MAGI2: variants seen among roughly 807,000 people sequenced by gnomAD.
The protein encoded by MAGI2 is membrane associated guanylate kinase, WW and PDZ domain containing 2.
MAGI2 carries 35 observed loss-of-function variants against 133.3 expected under a neutral mutation model. The observed-to-expected ratio is 0.26, with a 90% CI of 0.20 to 0.35. The LOEUF (loss-of-function observed/expected upper bound fraction) is 0.35. Ranked by LOEUF, MAGI2 falls within the 10% of genes least tolerant of loss-of-function variation. MAGI2 has a pLI of 1.00. For synonymous variants in MAGI2, 729 were observed against 710.6 expected (o/e 1.03, Z -0.41); for missense variants, 1,636 against 1,863.4 (o/e 0.88, Z 2.25).
intron 2 of MAGI2, among the ~76,000 whole-genome samples, chr7:78,751,156 T>C (rs1823420215): frequency 6.6e-6 from 1 of 152,194 alleles, no homozygotes; most frequent in South Asian, 2.1e-4. Flanking sequence ...TACAAAACTT[T>C]GTAAAAAGTT....
intron 9 of MAGI2, among the ~76,000 whole-genome samples, chr7:78,290,040 C>T (rs980623684): frequency 1.3e-5 from 2 of 152,194 alleles, no homozygotes; most frequent in African/African-American, 2.4e-5. Flanking sequence ...GAAGAAACTG[C>T]ATCAACAAAC....
intron 2 of MAGI2, among the ~76,000 whole-genome samples, chr7:78,642,066 G>T (rs1810374507): frequency 1.3e-5 from 2 of 152,128 alleles, no homozygotes; most frequent in African/African-American, 2.4e-5. Flanking sequence ...ATTTCATACA[G>T]GGAAGAAACA....
At chr7:78,308,327 T>G (rs1036767140) in intron 9 of MAGI2, among the ~76,000 whole-genome samples, 3 of 152,154 alleles carry the variant, frequency 2.0e-5, no homozygotes, top group African/African-American at 7.2e-5. Context: ...ACTCAGACAC[T>G]AGGAAGAGAG....
At chr7:78,376,908 G>C (rs1794499193) in intron 6 of MAGI2, among the ~76,000 whole-genome samples, 1 of 152,016 alleles carries the variant, frequency 6.6e-6, no homozygotes, top group Admixed American at 6.6e-5. Context: ...GTAGGTTTTT[G>C]TCTTTATATT....
intron 10 of MAGI2, among the ~76,000 whole-genome samples, chr7:78,204,616 T>A (rs975233911): frequency 2.0e-5 from 3 of 152,204 alleles, no homozygotes; most frequent in African/African-American, 7.2e-5. Context: ...AAATTTTTTT[T>A]ATAATGATCT....
At chr7:78,215,998 T>C (rs557762722) in intron 10 of MAGI2, among the ~76,000 whole-genome samples, 1 of 152,264 alleles carries the variant, frequency 6.6e-6, no homozygotes, top group South Asian at 2.1e-4. Context: ...TTCCCACTGA[T>C]ACATAAAAAA....
chr7:79,406,768 G>A lies in MAGI2; in HGVS notation c.301+46252C>T, dbSNP rs189670602. ...CTATTTGTAAAGCTCTGCGTAAAAG[G>A]CTGTGAAGAAAACAGAAATGAACCT... is the stretch of plus-strand genomic sequence containing the variant. On this transcript the variant is annotated intron_variant, in intron 1 of 21. Transcript: ENST00000354212. Among the ~76,000 whole-genome samples, 72 of 152,178 alleles carry A rather than the reference G, an allele frequency of 4.7e-4. No homozygotes were observed. In the East Asian group the frequency reaches 0.014, roughly 29 times the overall value.
chr7:78,316,100 A>T (rs1014519302), intron 9 of MAGI2, among the ~76,000 whole-genome samples: 28 of 152,182 alleles, frequency 1.8e-4, no homozygotes, highest in African/African-American at 6.5e-4. Flanking sequence ...AGAATGATCT[A>T]TGATACTTTG....
At chr7:78,074,490 G>C (rs1454717072) in intron 21 of MAGI2, among the ~76,000 whole-genome samples, 4 of 151,810 alleles carry the variant, frequency 2.6e-5, no homozygotes, top group African/African-American at 7.3e-5. Flanking sequence ...CCTTCCACAG[G>C]GAGTGGTTAA....
intron 2 of MAGI2, among the ~76,000 whole-genome samples, chr7:78,676,520 C>T (rs972267701): frequency 3.3e-5 from 5 of 151,948 alleles, no homozygotes; most frequent in African/African-American, 1.2e-4. Flanking sequence ...ACTATCGATG[C>T]TTTTTTAAAG....
At chr7:78,582,634 C>G (rs1006307906) in intron 3 of MAGI2, among the ~76,000 whole-genome samples, 3 of 152,188 alleles carry the variant, frequency 2.0e-5, no homozygotes, top group Non-Finnish European at 4.4e-5. Context: ...CAGCTACCTA[C>G]CAGAAGCACC....
intron 20 of MAGI2, among the ~76,000 whole-genome samples, chr7:78,090,020 C>G (rs1280480269): frequency 6.6e-6 from 1 of 152,204 alleles, no homozygotes; most frequent in Non-Finnish European, 1.5e-5. Context: ...ACTTCCTCCA[C>G]TCTTCCTTCC....
rs1585840184 is a variant in MAGI2 at position 79,399,079 on chromosome 7, C to CTTTTCTTTTTT, written c.301+53940_301+53941insAAAAAAGAAAA. 3.0e-4 allele frequency among the ~76,000 whole-genome samples: 34 copies of CTTTTCTTTTTT among 114,656 alleles called. 1 individual carries two copies. The highest frequency in any genetic ancestry group is 2.6e-3 in the East Asian group (9 of 3,414). 75.2% of individuals were successfully genotyped at this position (114,656 alleles called of 152,430 possible). A position where few individuals can be genotyped will look rare whatever the true frequency, so the allele number is the denominator to read the frequency against. The stretch of plus-strand genomic sequence containing the variant: ...CATCTTCAATTCACTAGTATTATTT[C>CTTTTCTTTTTT]TTTTTTTTTTCTTTTCTTTTTTTTT... On this transcript the variant is annotated intron_variant, in intron 1 of 21. Coordinates refer to ENST00000354212, the MANE Select transcript of MAGI2 (RefSeq NM_012301.4).
intron 3 of MAGI2, among the ~76,000 whole-genome samples, chr7:78,534,155 C>A (rs76560787): frequency 0.019 from 2,920 of 152,156 alleles, 86 homozygotes; most frequent in African/African-American, 0.067. Context: ...AAATATTAAT[C>A]AAAAAATCAC....
At chr7:78,137,436 T>A (rs761788719) in intron 16 of MAGI2, among the ~76,000 whole-genome samples, 69 of 152,218 alleles carry the variant, frequency 4.5e-4, no homozygotes, top group Non-Finnish European at 5.1e-4. Flanking sequence ...AAGTATTAAC[T>A]GTCATTCTTT....
chr7:78,033,886 G>A (rs944895953), intron 21 of MAGI2, among the ~76,000 whole-genome samples: 2 of 152,142 alleles, frequency 1.3e-5, no homozygotes, highest in Non-Finnish European at 1.5e-5. Context: ...CAAGGAGTGG[G>A]ACCCTCACCC....
intron 6 of MAGI2, among the ~76,000 whole-genome samples, chr7:78,480,014 T>C (rs1035178175): frequency 4.0e-5 from 6 of 151,798 alleles, no homozygotes; most frequent in Admixed American, 3.9e-4. Flanking sequence ...GGCAGAACAA[T>C]GAAATTAAAG....
At chr7:79,388,935 A>G (rs1468572680) in intron 1 of MAGI2, among the ~76,000 whole-genome samples, 1 of 151,834 alleles carries the variant, frequency 6.6e-6, no homozygotes, top group Non-Finnish European at 1.5e-5. Context: ...CATTATTAAA[A>G]TAAGTATATA....
chr7:79,100,167 T>G (rs1017850984), intron 1 of MAGI2, among the ~76,000 whole-genome samples: 5 of 152,128 alleles, frequency 3.3e-5, no homozygotes, highest in Non-Finnish European at 7.4e-5. Flanking sequence ...TTTTTTTAGG[T>G]TTATCTGTGC....
Sources: allele counts gnomAD v4.1 joint callset (sites outside exome capture counted in the v4.1 genomes callset), GRCh38; gene constraint gnomAD v4.1.1; transcripts MANE v1.5; gene names NCBI Gene and HGNC (gene_info 2026-07-23, HGNC 2026-07-21).